Variants in PTPRT observed in about 807,000 individuals in gnomAD.
The protein encoded by PTPRT is receptor-type tyrosine-protein phosphatase T.
A neutral mutation model predicts 176.8 loss-of-function variants in PTPRT; 56 were observed. That is an observed-to-expected ratio of 0.32 (90% CI 0.26 to 0.40). PTPRT has a LOEUF of 0.40. PTPRT is among the 10% of genes least tolerant of loss of function. The pLI is 1.00. For synonymous variants in PTPRT, 783 were observed against 739.0 expected (o/e 1.06, Z -0.96); for missense variants, 1,540 against 1,908.2 (o/e 0.81, Z 3.60).
At chr20:43,092,209 C>G (rs563587697) in intron 1 of PTPRT, among the ~76,000 whole-genome samples, 101 of 152,252 alleles carry the variant, frequency 6.6e-4, no homozygotes, top group African/African-American at 2.4e-3. Context: ...ACAGTGGATC[C>G]CCACAGGGGA....
intron 2 of PTPRT, among the ~76,000 whole-genome samples, chr20:42,850,477 G>A (rs562231010): frequency 6.6e-5 from 10 of 152,366 alleles, no homozygotes; most frequent in Admixed American, 2.0e-4. Flanking sequence ...GCAAGGGCTG[G>A]ATATGTAAGG....
At chr20:42,847,673 G>T (rs2078398257) in intron 2 of PTPRT, among the ~76,000 whole-genome samples, 1 of 152,182 alleles carries the variant, frequency 6.6e-6, no homozygotes, top group South Asian at 2.1e-4. Context: ...ACCTGTAGCT[G>T]CCACAGTTGA....
chr20:42,364,021 G>A (rs1600896792), intron 9 of PTPRT, among the ~76,000 whole-genome samples: 1 of 152,154 alleles, frequency 6.6e-6, no homozygotes, highest in Admixed American at 6.5e-5. Context: ...TGAGTGCATC[G>A]TTGGGGGCAC....
intron 16 of PTPRT, among the ~76,000 whole-genome samples, chr20:42,179,859 G>C (rs950564666): frequency 4.6e-5 from 7 of 152,202 alleles, no homozygotes; most frequent in African/African-American, 1.7e-4. Flanking sequence ...CTAGCCTAAA[G>C]AAAGGCATGG....
At chr20:42,993,858 C>T (rs1200463757) in intron 1 of PTPRT, among the ~76,000 whole-genome samples, 1 of 152,054 alleles carries the variant, frequency 6.6e-6, no homozygotes, top group East Asian at 1.9e-4. Context: ...CATCGCTTGT[C>T]ACACAGCGAA....
At chr20:42,401,684 GGGTT>G (rs2058909364) in intron 9 of PTPRT, among the ~76,000 whole-genome samples, 1 of 152,084 alleles carries the variant, frequency 6.6e-6, no homozygotes, top group Non-Finnish European at 1.5e-5. Flanking sequence ...TTAGGAAATG[GGGTT>G]AGCAGAGAGG....
chr20:43,035,540 G>C (rs1035348073), intron 1 of PTPRT, among the ~76,000 whole-genome samples: 1 of 152,224 alleles, frequency 6.6e-6, no homozygotes, highest in African/African-American at 2.4e-5. Flanking sequence ...CTCTGTTCTA[G>C]AGGACAAGAG....
chr20:43,099,708 A>G (rs1487199294), intron 1 of PTPRT, among the ~76,000 whole-genome samples: 1 of 151,960 alleles, frequency 6.6e-6, no homozygotes, highest in African/African-American at 2.4e-5. Flanking sequence ...TGTGCCTCCA[A>G]TCCTGCCAGT....
chr20:42,519,426 T>A (rs951783016), intron 7 of PTPRT, among the ~76,000 whole-genome samples: 1 of 152,170 alleles, frequency 6.6e-6, no homozygotes, highest in African/African-American at 2.4e-5. Context: ...CAATGAACAC[T>A]CACATGCAAG....
chr20:42,142,208 G>A (rs1988662932), intron 17 of PTPRT, among the ~76,000 whole-genome samples: 6 of 152,210 alleles, frequency 3.9e-5, no homozygotes, highest in Admixed American at 3.9e-4. Flanking sequence ...TGTTATTGAT[G>A]TCTTCTGTGT....
chr20:42,675,487 T>G (rs1476033609), intron 7 of PTPRT, among the ~76,000 whole-genome samples: 1 of 152,218 alleles, frequency 6.6e-6, no homozygotes. Flanking sequence ...GAGGTGTAAT[T>G]ATCTTAGCCA....
Position 42,949,658 on chromosome 20 carries a change from T to C in PTPRT, c.89-63726A>G, listed in dbSNP as rs115129549. ...TTTCCAATGTGCCTGCTCCAATTCA[T>C]GACCCACAGAATCATGAACACATTA... On this transcript the variant is annotated intron_variant, in intron 1 of 30. Transcript: ENST00000373187. Among the ~76,000 whole-genome samples, 699 of 152,340 alleles carry C rather than the reference T, an allele frequency of 4.6e-3. 8 individuals are homozygous for C. The highest frequency in any genetic ancestry group is 0.015 in the African/African-American group (638 of 41,576).
intron 4 of PTPRT, among the ~76,000 whole-genome samples, chr20:42,772,208 C>T (rs1036359011): frequency 6.6e-6 from 1 of 152,168 alleles, no homozygotes; most frequent in Non-Finnish European, 1.5e-5. Context: ...ATTCTTAGCG[C>T]TTGCCATTTG....
chr20:42,911,976 CTTTTTTTT>C (rs11475084), intron 1 of PTPRT, among the ~76,000 whole-genome samples: 13 of 124,324 alleles, frequency 1.0e-4, no homozygotes, highest in African/African-American at 3.9e-4. Context: ...ATCCTCTTTT[CTTTTTTTT>C]TTTTTTTTTT....
intron 7 of PTPRT, among the ~76,000 whole-genome samples, chr20:42,668,231 G>T (rs1402353550): frequency 2.0e-5 from 3 of 152,160 alleles, no homozygotes; most frequent in Non-Finnish European, 2.9e-5. Flanking sequence ...GGAGGCCCTG[G>T]CTCCCTAAGG....
intron 7 of PTPRT, among the ~76,000 whole-genome samples, chr20:42,556,675 C>T (rs2072866807): frequency 6.6e-6 from 1 of 152,104 alleles, no homozygotes; most frequent in South Asian, 2.1e-4. Context: ...TTTCTCACTC[C>T]AGAACCTGTG....
intron 1 of PTPRT, among the ~76,000 whole-genome samples, chr20:43,048,402 A>AG (rs1467200127): frequency 6.6e-6 from 1 of 152,092 alleles, no homozygotes; most frequent in Non-Finnish European, 1.5e-5. Flanking sequence ...GAGCCAGGGA[A>AG]GGGGGTGCAC....
chr20:42,323,207 CCTCAGGGATCTAGAA>C (rs1294610798), intron 11 of PTPRT, among the ~76,000 whole-genome samples: 3 of 152,192 alleles, frequency 2.0e-5, no homozygotes, highest in Non-Finnish European at 4.4e-5. Flanking sequence ...TGTGGCGATT[CCTCAGGGATCTAGAA>C]CTAGAAATAC....
In PTPRT at chr20:42,580,500, G is replaced by A. The variant is rs1210839133; in HGVS notation, c.1153+97366C>T. Among the ~76,000 whole-genome samples the A allele has an allele frequency of 2.0e-5, 3 of 152,238 alleles. No homozygotes were observed. The East Asian group carries it at 5.8e-4, about 29-fold the overall frequency. On this transcript the variant is annotated intron_variant, in intron 7 of 30. Coordinates refer to ENST00000373187, the MANE Select transcript of PTPRT (RefSeq NM_007050.6). The stretch of plus-strand genomic sequence containing the variant: ...ATCTGTAAATTACCTTGGGCAGTAT[G>A]GCCATTTTCACGATATTGATTCTTC...
Sources: gnomAD v4.1 joint callset for allele counts (sites outside exome capture counted in the v4.1 genomes callset) on GRCh38, gnomAD v4.1.1 for gene constraint, MANE v1.5 for transcripts, NCBI Gene and HGNC (gene_info 2026-07-23, HGNC 2026-07-21) for gene names.